Variants in QTGAL observed in about 807,000 individuals in gnomAD.
QTGAL encodes the protein queuosine-tRNA galactosyltransferase, also known as BGnT-like protein 1.
the QTGAL span, chr17:82,949,798 G>C: frequency 6.6e-6 from 1 of 152,194 alleles, no homozygotes; most frequent in Non-Finnish European, 1.5e-5. Context: ...TTCTGTGGTG[G>C]GATGGTGGTT....
At chr17:83,051,373 C>G in the QTGAL span, among the ~76,000 whole-genome samples, 4 of 151,902 alleles carry the variant, frequency 2.6e-5, no homozygotes, top group East Asian at 7.7e-4. Flanking sequence ...GCAGGTGCGC[C>G]GTTCCTCCAC....
the QTGAL span, among the ~76,000 whole-genome samples, chr17:82,993,772 C>T: frequency 6.6e-6 from 1 of 151,522 alleles, no homozygotes; most frequent in Non-Finnish European, 1.5e-5. Context: ...AAAAAAACAC[C>T]TGAAATAATA....
chr17:83,016,334 C>T, the QTGAL span, among the ~76,000 whole-genome samples: 2 of 152,078 alleles, frequency 1.3e-5, no homozygotes, highest in Admixed American at 6.6e-5. Flanking sequence ...CTCTTATTCC[C>T]GCAAAACGGC....
the QTGAL span, among the ~76,000 whole-genome samples, chr17:83,036,682 C>A: frequency 6.6e-6 from 1 of 152,156 alleles, no homozygotes; most frequent in Admixed American, 6.5e-5. Context: ...CTGTTAAGAA[C>A]GTGAACCAGC....
the QTGAL span, among the ~76,000 whole-genome samples, chr17:83,029,531 G>A: frequency 6.6e-6 from 1 of 152,202 alleles, no homozygotes; most frequent in African/African-American, 2.4e-5. Context: ...TCTTGTGTCA[G>A]GTGGCAGGTC....
the QTGAL span, among the ~76,000 whole-genome samples, chr17:82,989,311 C>T: frequency 2.7e-5 from 4 of 150,826 alleles, no homozygotes; most frequent in South Asian, 2.1e-4. Flanking sequence ...CATATGGACA[C>T]GGGGGGAACA....
At chr17:82,994,177 C>T in the QTGAL span, among the ~76,000 whole-genome samples, 427 of 151,864 alleles carry the variant, frequency 2.8e-3, 3 homozygotes, top group Non-Finnish European at 3.0e-3. Context: ...ATGAATTCAA[C>T]ATAAAGAAAA....
At chr17:82,997,945 ATATC>A in the QTGAL span, among the ~76,000 whole-genome samples, 8 of 148,064 alleles carry the variant, frequency 5.4e-5, no homozygotes, top group East Asian at 1.4e-3. Flanking sequence ...ATATATATAT[ATATC>A]TATATCTATC....
the QTGAL span, among the ~76,000 whole-genome samples, chr17:82,970,641 C>T: frequency 8.9e-6 from 1 of 112,850 alleles, no homozygotes; most frequent in African/African-American, 3.5e-5. Flanking sequence ...GCGACCTCCG[C>T]ACCCGGTGTG....
chr17:83,044,612 T>C, the QTGAL span, among the ~76,000 whole-genome samples: 1 of 152,208 alleles, frequency 6.6e-6, no homozygotes, highest in Non-Finnish European at 1.5e-5. Context: ...TCACCACTTC[T>C]ATTCGGCACC....
the QTGAL span, among the ~76,000 whole-genome samples, chr17:83,047,908 C>T: frequency 8.6e-5 from 13 of 151,874 alleles, no homozygotes; most frequent in African/African-American, 3.1e-4. Context: ...ATAAATCCTA[C>T]CAAACAATAA....
the QTGAL span, among the ~76,000 whole-genome samples, chr17:82,974,206 A>C: frequency 6.6e-6 from 1 of 152,170 alleles, no homozygotes; most frequent in Non-Finnish European, 1.5e-5. Context: ...CTGGCTCCTC[A>C]TCAACCCTCA....
At chr17:83,000,785 C>T in the QTGAL span, among the ~76,000 whole-genome samples, 6 of 152,196 alleles carry the variant, frequency 3.9e-5, no homozygotes, top group East Asian at 1.9e-4. Flanking sequence ...ACACACTGTT[C>T]GAGGGTCACC....
the QTGAL span, among the ~76,000 whole-genome samples, chr17:83,036,554 A>G: frequency 6.6e-6 from 1 of 152,244 alleles, no homozygotes; most frequent in African/African-American, 2.4e-5. Flanking sequence ...AGACATCACA[A>G]CTGAGCTGGA....
At chr17:83,024,861 G>A in the QTGAL span, among the ~76,000 whole-genome samples, 78 of 152,342 alleles carry the variant, frequency 5.1e-4, no homozygotes, top group African/African-American at 1.6e-3. Flanking sequence ...GGTGCAAAGC[G>A]CTCCAACTCC....
chr17:82,986,124 C>T, the QTGAL span, among the ~76,000 whole-genome samples: 64 of 152,362 alleles, frequency 4.2e-4, no homozygotes, highest in Middle Eastern at 6.8e-3. Flanking sequence ...GGACCCTCTC[C>T]GCTTCCCAGC....
the QTGAL span, chr17:83,051,756 T>A: frequency 6.7e-6 from 10 of 1,497,332 alleles, no homozygotes; most frequent in Non-Finnish European, 8.8e-6. Context: ...CTGCATGGCC[T>A]GGCTCTCCTC....
the QTGAL span, among the ~76,000 whole-genome samples, chr17:83,045,823 A>ATTTATTTATTTAT: frequency 6.6e-6 from 1 of 152,148 alleles, no homozygotes; most frequent in African/African-American, 2.4e-5. Context: ...TTATTTATTT[A>ATTTATTTATTTAT]TTATTTTTTG....
chr17:83,001,213 C>T, the QTGAL span, among the ~76,000 whole-genome samples: 3,555 of 152,270 alleles, frequency 0.023, 157 homozygotes, highest in African/African-American at 0.082. Flanking sequence ...TTTGCAGGAA[C>T]TCCAGGGACA....
Sources: allele counts gnomAD v4.1 joint callset (sites outside exome capture counted in the v4.1 genomes callset), GRCh38; gene constraint gnomAD v4.1.1; transcripts MANE v1.5; gene names NCBI Gene and HGNC (gene_info 2026-07-23, HGNC 2026-07-21).